MALRD1: variants seen among roughly 807,000 people sequenced by gnomAD.
MALRD1 encodes the protein MAM and LDL-receptor class A domain-containing protein 1.
In MALRD1, 247 loss-of-function variants were observed where a neutral mutation model predicts 242.1. That is an observed-to-expected ratio of 1.02 (90% CI 0.92 to 1.13). MALRD1 has a LOEUF of 1.13. MALRD1 is among the 50% of genes most tolerant of loss of function. The probability of loss-of-function intolerance (pLI) is 0.00; values close to 1 mark genes in which losing one functional copy is unlikely to be tolerated. For synonymous variants in MALRD1, 995 were observed against 866.6 expected (o/e 1.15, Z -2.60); for missense variants, 2,989 against 2,533.1 (o/e 1.18, Z -3.86).
chr10:19,319,307 G>C (rs537262640), intron 21 of MALRD1, among the ~76,000 whole-genome samples: 229 of 152,118 alleles, frequency 1.5e-3, no homozygotes, highest in Middle Eastern at 3.4e-3. Context: ...ATTTTCGAAT[G>C]CTGTGAAATA....
rs553352639 is a variant in MALRD1 at position 19,053,840 on chromosome 10, A to G, written c.199+4703A>G. Among the ~76,000 whole-genome samples the G allele has an allele frequency of 1.1e-3, 164 of 152,194 alleles. 1 individual carries two copies. The highest frequency in any genetic ancestry group is 3.8e-3 in the African/African-American group (159 of 41,556). ...ATTAAAAAAAAGAAAATAAGTTCTT[A>G]TTTTACATGAACTTCTTTTTTAGAA... is the stretch of plus-strand genomic sequence containing the variant. On this transcript the variant is annotated intron_variant, in intron 1 of 39. Transcript: ENST00000454679.
chr10:19,707,015 C>T (rs1196914859), intron 38 of MALRD1, among the ~76,000 whole-genome samples: 3 of 151,436 alleles, frequency 2.0e-5, no homozygotes, highest in African/African-American at 7.3e-5. Context: ...CCTCCTTCTT[C>T]TCTTCCTCCT....
chr10:19,661,619 A>G (rs900700987), intron 36 of MALRD1, among the ~76,000 whole-genome samples: 2 of 152,096 alleles, frequency 1.3e-5, no homozygotes, highest in African/African-American at 4.8e-5. Flanking sequence ...GAAGCATCAC[A>G]CACTGGGGCC....
At chr10:19,406,647 C>G (rs117376000) in intron 28 of MALRD1, among the ~76,000 whole-genome samples, 1,976 of 152,090 alleles carry the variant, frequency 0.013, 16 homozygotes, top group Non-Finnish European at 0.02. Flanking sequence ...CCAAGGAAAA[C>G]GAAAATGTTT....
At chr10:19,334,985 G>T (rs1417361551) in intron 24 of MALRD1, among the ~76,000 whole-genome samples, 1 of 151,968 alleles carries the variant, frequency 6.6e-6, no homozygotes, top group Non-Finnish European at 1.5e-5. Context: ...CTCTAAAGTT[G>T]TGCGTATTTC....
chr10:19,426,915 T>G (rs7082614), intron 28 of MALRD1, among the ~76,000 whole-genome samples: 16,142 of 152,212 alleles, frequency 0.11, 1,681 homozygotes, highest in African/African-American at 0.28. Context: ...ACTTTTCTAA[T>G]TAGCTTCCTC....
In MALRD1 at chr10:19,569,475, GA is replaced by G. The variant is rs565892032; in HGVS notation, c.5680+1781del. ...CTCTTTTTCTCACCATTTATCTCAG[GA>G]AAAAAAAATCTCCATCTTCCCAAGC... On this transcript the variant is annotated intron_variant, in intron 33 of 39. Transcript: ENST00000454679. Among the ~76,000 whole-genome samples, 565 of 148,914 alleles carry G rather than the reference GA, an allele frequency of 3.8e-3. 2 individuals are homozygous for G. The highest frequency in any genetic ancestry group is 0.013 in the African/African-American group (533 of 40,690).
At chr10:19,300,812 A>G (rs971197629) in intron 21 of MALRD1, among the ~76,000 whole-genome samples, 5 of 152,016 alleles carry the variant, frequency 3.3e-5, no homozygotes, top group Non-Finnish European at 7.4e-5. Flanking sequence ...CAAAGATTTC[A>G]TAAGCAGATG....
At chr10:19,590,053 C>T (rs958057406) in intron 33 of MALRD1, among the ~76,000 whole-genome samples, 1 of 152,044 alleles carries the variant, frequency 6.6e-6, no homozygotes, top group Admixed American at 6.6e-5. Flanking sequence ...GACCAAGCAG[C>T]TCACTGGGCA....
chr10:19,118,593 A>G (rs1196599341), intron 5 of MALRD1, among the ~76,000 whole-genome samples: 1 of 152,198 alleles, frequency 6.6e-6, no homozygotes, highest in Non-Finnish European at 1.5e-5. Context: ...GCCTCCAGAT[A>G]GCAAGCTTCA....
intron 4 of MALRD1, among the ~76,000 whole-genome samples, chr10:19,103,423 C>T (rs557930242): frequency 1.1e-3 from 171 of 151,276 alleles, no homozygotes; most frequent in Middle Eastern, 3.4e-3. Flanking sequence ...TAGCCGGGCG[C>T]GGTGGTGGGC....
At chr10:19,506,174 C>T (rs796539222) in intron 31 of MALRD1, among the ~76,000 whole-genome samples, 2 of 152,282 alleles carry the variant, frequency 1.3e-5, no homozygotes, top group South Asian at 2.1e-4. Context: ...GTTGGGAAAA[C>T]AGTTCTTTCT....
intron 21 of MALRD1, among the ~76,000 whole-genome samples, chr10:19,292,318 A>C (rs909131212): frequency 3.9e-5 from 6 of 152,150 alleles, no homozygotes; most frequent in African/African-American, 1.4e-4. Flanking sequence ...GATCAAAACA[A>C]AAACACACAT....
intron 21 of MALRD1, among the ~76,000 whole-genome samples, chr10:19,289,243 A>G (rs921032269): frequency 6.6e-6 from 1 of 152,140 alleles, no homozygotes; most frequent in African/African-American, 2.4e-5. Flanking sequence ...AGAAGTAGCA[A>G]TGTGTCAAAA....
chr10:19,593,009 A>C (rs1390851360), intron 33 of MALRD1, among the ~76,000 whole-genome samples: 1 of 151,778 alleles, frequency 6.6e-6, no homozygotes, highest in Non-Finnish European at 1.5e-5. Flanking sequence ...AATACTTAAA[A>C]AAAAAAAAAA....
intron 12 of MALRD1, among the ~76,000 whole-genome samples, chr10:19,161,958 G>A (rs1834442031): frequency 6.6e-6 from 1 of 152,168 alleles, no homozygotes; most frequent in African/African-American, 2.4e-5. Context: ...AACCCAGGAA[G>A]TGGAGGCTGC....
At chr10:19,586,771 G>A (rs1168126360) in intron 33 of MALRD1, among the ~76,000 whole-genome samples, 1 of 152,212 alleles carries the variant, frequency 6.6e-6, no homozygotes, top group African/African-American at 2.4e-5. Flanking sequence ...CAGCTTCCTG[G>A]CTGCTTTGTT....
At chr10:19,204,287 T>TTG in intron 15 of MALRD1, 21 bp from the exon 16 acceptor site, 2 of 1,285,984 alleles carry the variant, frequency 1.6e-6, no homozygotes, top group African/African-American at 3.5e-5. Flanking sequence ...AAGCGTTTTT[T>TTG]TTTTTTTTTT....
intron 24 of MALRD1, among the ~76,000 whole-genome samples, chr10:19,337,434 T>C (rs1843662015): frequency 6.6e-6 from 1 of 152,256 alleles, no homozygotes; most frequent in South Asian, 2.1e-4. Flanking sequence ...TTTTTAGTTA[T>C]AGCCATCCTA....
Sources: allele counts gnomAD v4.1 joint callset (sites outside exome capture counted in the v4.1 genomes callset), GRCh38; gene constraint gnomAD v4.1.1; transcripts MANE v1.5; gene names NCBI Gene and HGNC (gene_info 2026-07-23, HGNC 2026-07-21).